PCDHA3: variants seen among roughly 807,000 people sequenced by gnomAD.
The protein encoded by PCDHA3 is protocadherin alpha 3.
A neutral mutation model predicts 62.2 loss-of-function variants in PCDHA3; 41 were observed. The observed-to-expected ratio is 0.66, with a 90% confidence interval of 0.51 to 0.86. PCDHA3 has a LOEUF of 0.86. PCDHA3 is among the 40% of genes least tolerant of loss of function. PCDHA3 has a pLI of 0.00. For missense variants in PCDHA3, 1,304 were observed against 1,241.2 expected (o/e 1.05, Z -0.76); for synonymous variants, 640 against 555.4 (o/e 1.15, Z -2.14).
intron 1 of PCDHA3, chr5:140,810,623 A>C (rs1474517049): frequency 6.6e-6 from 1 of 152,124 alleles, no homozygotes; most frequent in South Asian, 2.1e-4. Flanking sequence ...TATTTTGTGC[A>C]ATAGCTGCTC....
At chr5:140,823,279 C>G (rs140654699) in intron 1 of PCDHA3, 1 of 1,612,436 alleles carries the variant, frequency 6.2e-7, no homozygotes, top group Non-Finnish European at 8.5e-7. Flanking sequence ...GGGCGAGCGC[C>G]CGCTGTCGAG....
intron 1 of PCDHA3, chr5:140,877,875 C>T (rs2057379478): frequency 6.8e-7 from 1 of 1,475,090 alleles, no homozygotes; most frequent in Non-Finnish European, 9.0e-7. Context: ...TATTTGTTTC[C>T]TTGAAGAACT....
chr5:140,999,877 G>A (rs1194481133), intron 3 of PCDHA3, among the ~76,000 whole-genome samples: 1 of 152,152 alleles, frequency 6.6e-6, no homozygotes, highest in Admixed American at 6.5e-5. Flanking sequence ...CTGAAAATTA[G>A]CCCAGCTGTA....
chr5:140,821,338 G>T (rs2150060866), intron 1 of PCDHA3, among the ~76,000 whole-genome samples: 1 of 152,110 alleles, frequency 6.6e-6, no homozygotes, highest in East Asian at 1.9e-4. Context: ...TAAGGATTGG[G>T]GTTTCATGAC....
At chr5:140,995,491 AG>A (rs1467871177) in intron 3 of PCDHA3, among the ~76,000 whole-genome samples, 5 of 152,224 alleles carry the variant, frequency 3.3e-5, no homozygotes, top group Non-Finnish European at 5.9e-5. Context: ...TTTCAGACTA[AG>A]GTTGACTGTG....
chr5:140,980,102 C>A (rs782586995), intron 2 of PCDHA3, among the ~76,000 whole-genome samples: 1 of 152,192 alleles, frequency 6.6e-6, no homozygotes, highest in Non-Finnish European at 1.5e-5. Flanking sequence ...GGTAAGATGT[C>A]ACATTGGAAC....
In PCDHA3 at chr5:140,968,471, G is replaced by A. The variant is rs531821868; in HGVS notation, c.2395-10478G>A. On this transcript the variant is annotated intron_variant, in intron 1 of 3. Coordinates refer to ENST00000522353, the MANE Select transcript of PCDHA3 (RefSeq NM_018906.3). ...CAGCACTGTGACTGCCAACGTATAT[G>A]TGGTGGACATGAATGACCATGCCCC... 3.3e-5 allele frequency: 54 copies of A among 1,614,154 alleles called. No homozygotes were observed. The South Asian group carries it at 5.7e-4, about 17-fold the overall frequency.
chr5:140,862,412 G>C (rs536653894), intron 1 of PCDHA3: 92 of 349,964 alleles, frequency 2.6e-4, no homozygotes, highest in Middle Eastern at 1.0e-3. Flanking sequence ...ACCTTCAAAA[G>C]GCGCTGCCCA....
At chr5:140,871,697 A>G (rs2053267729) in intron 1 of PCDHA3, 3 of 935,180 alleles carry the variant, frequency 3.2e-6, no homozygotes, top group Non-Finnish European at 3.1e-6. Flanking sequence ...GGCTTCTTTA[A>G]CCAATAAATG....
chr5:140,841,872 C>T (rs147561890), intron 1 of PCDHA3: 4 of 1,613,678 alleles, frequency 2.5e-6, no homozygotes, highest in Non-Finnish European at 3.4e-6. Context: ...GATGTGAATT[C>T]AAAGAACGAT....
At chr5:140,910,482 C>T (rs1439012617) in intron 1 of PCDHA3, among the ~76,000 whole-genome samples, 3 of 152,178 alleles carry the variant, frequency 2.0e-5, no homozygotes, top group African/African-American at 7.2e-5. Flanking sequence ...ATCTGGCATA[C>T]AGAGAAGAGC....
intron 1 of PCDHA3, among the ~76,000 whole-genome samples, chr5:140,827,144 T>C (rs1554130721): frequency 6.6e-6 from 1 of 152,204 alleles, no homozygotes; most frequent in African/African-American, 2.4e-5. Flanking sequence ...AAAGAAGGGA[T>C]GCAGATATGG....
chr5:140,995,918 G>A (rs1303145667), intron 3 of PCDHA3, among the ~76,000 whole-genome samples: 1 of 152,180 alleles, frequency 6.6e-6, no homozygotes, highest in Non-Finnish European at 1.5e-5. Flanking sequence ...GAGACCATAG[G>A]CTGTTGTAAG....
intron 1 of PCDHA3, chr5:140,883,223 T>C: frequency 6.2e-7 from 1 of 1,613,922 alleles, no homozygotes; most frequent in Non-Finnish European, 8.5e-7. Flanking sequence ...ATATGAAATA[T>C]CCGTGGAGGC....
In PCDHA3 at chr5:140,848,293, C is replaced by T. The variant is rs2150408206; in HGVS notation, c.2394+44702C>T. On this transcript the variant is annotated intron_variant, in intron 1 of 3. Transcript: ENST00000522353. ...TGAAATATGTACTTACACTTTGGGC[C>T]ACGTGATGTCACTCTTTGCCGCGAT... The T allele has an allele frequency of 2.0e-5, 13 of 642,032 alleles. 2 individuals are homozygous for T. The highest frequency in any genetic ancestry group is 3.2e-5 in the Non-Finnish European group (12 of 369,632). 39.8% of individuals were successfully genotyped at this position (642,032 alleles called of 1,614,324 possible).
Position 141,012,299 on chromosome 5 carries a change from A to G in PCDHA3, c.*2362A>G, listed in dbSNP as rs1554263904. 1 of 153,754 alleles carries G rather than the reference A, an allele frequency of 6.5e-6. No homozygotes were observed. Among genetic ancestry groups the G allele is most frequent in the African/African-American group, 2.4e-5 (1 of 41,456 alleles). The allele number at this position is 153,754 out of a possible 1,614,324, so 9.5% of individuals were successfully genotyped here. A position where few individuals can be genotyped will look rare whatever the true frequency, so the allele number is the denominator to read the frequency against. ...TGTGGATTCATTTTGAATTGGTGCT[A>G]TTGGTATTTCCTCTGTTATTGCTAA... On this transcript the variant is annotated 3_prime_UTR_variant, in exon 4 of 4. Transcript: ENST00000522353.
chr5:140,959,780 A>G (rs2095510657), intron 1 of PCDHA3, among the ~76,000 whole-genome samples: 1 of 152,262 alleles, frequency 6.6e-6, no homozygotes. Flanking sequence ...AACAGTGTAT[A>G]TTAACATGGC....
intron 1 of PCDHA3, chr5:140,876,731 C>T (rs782483829): frequency 1.7e-5 from 27 of 1,614,124 alleles, no homozygotes; most frequent in Non-Finnish European, 1.9e-5. Context: ...AGCGTGTCGG[C>T]CTATGAGCTG....
At chr5:141,002,726 A>C (rs1488452359) in intron 3 of PCDHA3, among the ~76,000 whole-genome samples, 1 of 152,250 alleles carries the variant, frequency 6.6e-6, no homozygotes, top group Non-Finnish European at 1.5e-5. Context: ...GGAAGGGCAC[A>C]GTAAATGTTA....
Sources: allele counts gnomAD v4.1 joint callset (sites outside exome capture counted in the v4.1 genomes callset), GRCh38; gene constraint gnomAD v4.1.1; transcripts MANE v1.5; gene names NCBI Gene and HGNC (gene_info 2026-07-23, HGNC 2026-07-21).